BABAM2: variants seen among roughly 807,000 people sequenced by gnomAD.
The protein encoded by BABAM2 is BRISC and BRCA1 A complex member 2.
Under a neutral mutation model 54.7 loss-of-function variants are expected in BABAM2, and 31 were observed. The ratio of observed to expected loss-of-function variants is 0.57; its 90% CI spans 0.43 to 0.77. BABAM2 has a LOEUF of 0.77. Ranked by LOEUF, BABAM2 falls within the 30% of genes least tolerant of loss-of-function variation. BABAM2 has a pLI of 0.00. For synonymous variants in BABAM2, 167 were observed against 162.9 expected, an observed-to-expected ratio of 1.03 and a Z score of -0.19; for missense variants, 364 against 455.8, an observed-to-expected ratio of 0.80 and a Z score of 1.83.
chr2:28,164,482 G>A (rs1673432503), intron 7 of BABAM2, among the ~76,000 whole-genome samples: 1 of 151,722 alleles, frequency 6.6e-6, no homozygotes, highest in Admixed American at 6.6e-5. Context: ...CGAGTGAACA[G>A]ATGTTTATCC....
intron 1 of BABAM2, among the ~76,000 whole-genome samples, chr2:27,893,904 G>T (rs1665064228): frequency 6.8e-6 from 1 of 146,414 alleles, no homozygotes; most frequent in Non-Finnish European, 1.5e-5. Flanking sequence ...TGAGGCAGGA[G>T]AATCACTTGA....
At chr2:28,074,122 G>C (rs921347813) in intron 6 of BABAM2, among the ~76,000 whole-genome samples, 1 of 152,058 alleles carries the variant, frequency 6.6e-6, no homozygotes, top group East Asian at 1.9e-4. Context: ...GGTGCTCAAA[G>C]ATCTGGTTAT....
At chr2:28,113,609 C>A (rs191334681) in intron 6 of BABAM2, among the ~76,000 whole-genome samples, 4 of 152,184 alleles carry the variant, frequency 2.6e-5, no homozygotes, top group Non-Finnish European at 5.9e-5. Context: ...GTTCTTTTTG[C>A]TTAGAATTGT....
chr2:28,275,621 G>A (rs1294453254), intron 10 of BABAM2, among the ~76,000 whole-genome samples: 1 of 152,158 alleles, frequency 6.6e-6, no homozygotes, highest in Non-Finnish European at 1.5e-5. Flanking sequence ...ATCAGCTCCT[G>A]GAAGAGCAAA....
intron 11 of BABAM2, among the ~76,000 whole-genome samples, chr2:28,337,178 G>C (rs535636805): frequency 5.7e-5 from 8 of 141,322 alleles, no homozygotes; most frequent in African/African-American, 2.1e-4. Flanking sequence ...GTGGGGCAGG[G>C]CTAGAAGGCA....
chr2:28,165,850 T>G (rs766779381), intron 7 of BABAM2, among the ~76,000 whole-genome samples: 5 of 152,192 alleles, frequency 3.3e-5, no homozygotes, highest in Non-Finnish European at 7.3e-5. Context: ...TGAAGGCTTT[T>G]AAGCAGAGAA....
chr2:27,958,553 TAC>T (rs1461878974), intron 3 of BABAM2, among the ~76,000 whole-genome samples: 1 of 150,346 alleles, frequency 6.7e-6, no homozygotes, highest in Admixed American at 6.7e-5. Context: ...TGTTTATATA[TAC>T]ACACACATAT....
chr2:28,265,398 G>C (rs1684894998), intron 10 of BABAM2, among the ~76,000 whole-genome samples: 1 of 152,186 alleles, frequency 6.6e-6, no homozygotes, highest in Non-Finnish European at 1.5e-5. Context: ...TTGCACTCCA[G>C]CCTAGGTGAC....
intron 7 of BABAM2, among the ~76,000 whole-genome samples, chr2:28,161,123 G>A (rs1361761598): frequency 6.6e-6 from 1 of 152,182 alleles, no homozygotes; most frequent in African/African-American, 2.4e-5. Flanking sequence ...AAACCAGCCA[G>A]ACGTCTTCAG....
At chr2:28,301,199 G>T (rs1688081979) in intron 11 of BABAM2, among the ~76,000 whole-genome samples, 1 of 152,202 alleles carries the variant, frequency 6.6e-6, no homozygotes, top group Non-Finnish European at 1.5e-5. Flanking sequence ...CACTCTCATG[G>T]TTTATGAACA....
intron 3 of BABAM2, among the ~76,000 whole-genome samples, chr2:27,953,279 C>T (rs1380009486): frequency 6.6e-6 from 1 of 152,074 alleles, no homozygotes; most frequent in Non-Finnish European, 1.5e-5. Context: ...CTCCTGGGCT[C>T]AAGCAGATCC....
At chr2:28,243,490 C>T (rs1018356079) in intron 9 of BABAM2, among the ~76,000 whole-genome samples, 3 of 151,800 alleles carry the variant, frequency 2.0e-5, no homozygotes, top group Non-Finnish European at 4.4e-5. Flanking sequence ...CGAGATCATG[C>T]CACTATACTC....
intron 3 of BABAM2, among the ~76,000 whole-genome samples, chr2:27,947,573 G>A (rs1296514550): frequency 6.6e-6 from 1 of 151,972 alleles, no homozygotes; most frequent in African/African-American, 2.4e-5. Flanking sequence ...ATTGAGTTTT[G>A]AGAATTCTTC....
chr2:27,922,889 CTA>C (rs755422510), intron 2 of BABAM2, among the ~76,000 whole-genome samples: 80 of 152,262 alleles, frequency 5.3e-4, no homozygotes, highest in Middle Eastern at 3.4e-3. Context: ...TTGGCTCTAA[CTA>C]TGTGTGAGGA....
chr2:28,190,767 A>C (rs1230593313), intron 7 of BABAM2, among the ~76,000 whole-genome samples: 2 of 152,170 alleles, frequency 1.3e-5, no homozygotes, highest in Non-Finnish European at 1.5e-5. Flanking sequence ...GGTTCTACTT[A>C]CTAATACCAT....
At chr2:28,174,095 TA>T (rs1215059617) in intron 7 of BABAM2, among the ~76,000 whole-genome samples, 1 of 152,184 alleles carries the variant, frequency 6.6e-6, no homozygotes, top group Non-Finnish European at 1.5e-5. Flanking sequence ...CCAATTCAAA[TA>T]AAATCGCTCA....
At chr2:28,027,623 GGC>G (rs1398810720) in intron 5 of BABAM2, among the ~76,000 whole-genome samples, 1 of 152,170 alleles carries the variant, frequency 6.6e-6, no homozygotes, top group Non-Finnish European at 1.5e-5. Context: ...TCCATGTTGT[GGC>G]ATGTATCAGT....
intron 6 of BABAM2, among the ~76,000 whole-genome samples, chr2:28,054,577 T>C (rs139334719): frequency 1.3e-5 from 2 of 152,282 alleles, no homozygotes; most frequent in African/African-American, 4.8e-5. Context: ...ATGGGATTAA[T>C]ACCCTTATGA....
intron 4 of BABAM2, chr2:28,016,092 T>C (rs1674790064): frequency 1.2e-6 from 1 of 858,704 alleles, no homozygotes; most frequent in Non-Finnish European, 1.9e-6. Context: ...TCTTTTTCTT[T>C]CTCAGTTTTC....
Sources: gnomAD v4.1 joint callset for allele counts (sites outside exome capture counted in the v4.1 genomes callset) on GRCh38, gnomAD v4.1.1 for gene constraint, MANE v1.5 for transcripts, NCBI Gene and HGNC (gene_info 2026-07-23, HGNC 2026-07-21) for gene names.